The following DPYSL2 variants were observed in gnomAD, a reference collection of about 807,000 sequenced individuals.
The protein encoded by DPYSL2 is dihydropyrimidinase-related protein 2.
In DPYSL2, 13 loss-of-function variants were observed where a neutral mutation model predicts 69.9. The ratio of observed to expected loss-of-function variants is 0.19; its 90% CI spans 0.12 to 0.30. The LOEUF (loss-of-function observed/expected upper bound fraction) is 0.30. Ranked by LOEUF, DPYSL2 falls within the 10% of genes least tolerant of loss-of-function variation. DPYSL2 has a pLI of 1.00. For synonymous variants in DPYSL2, 326 were observed against 359.1 expected (o/e 0.91, Z 1.04); for missense variants, 587 against 918.9 (o/e 0.64, Z 4.67).
intron 3 of DPYSL2, among the ~76,000 whole-genome samples, chr8:26,589,338 C>T (rs988998748): frequency 2.0e-5 from 3 of 152,236 alleles, no homozygotes; most frequent in Non-Finnish European, 4.4e-5. Flanking sequence ...GGCATTCAGC[C>T]TTGCGTGTGG....
At chr8:26,532,512 A>G (rs955893342) in intron 1 of DPYSL2, among the ~76,000 whole-genome samples, 17 of 152,210 alleles carry the variant, frequency 1.1e-4, no homozygotes, top group Non-Finnish European at 2.1e-4. Flanking sequence ...GAAACCCAGT[A>G]AACAGTCGCT....
In DPYSL2 at chr8:26,626,509, AC is replaced by A; in HGVS notation, c.794-107del. 2.4e-6 allele frequency: 2 copies of A among 831,442 alleles called. No homozygotes were observed. The highest frequency in any genetic ancestry group is 3.9e-6 in the Non-Finnish European group (2 of 512,934). The allele number at this position is 831,442 out of a possible 1,614,324, so 51.5% of individuals were successfully genotyped here. On this transcript the variant is annotated intron_variant, in intron 4 of 13. Coordinates refer to ENST00000521913, the MANE Select transcript of DPYSL2 (RefSeq NM_001197293.3). This position sits in a 1 kb window ranked among gnomAD's most constrained non-coding sequence, Gnocchi z 4.3. ...CACACACACACACACACACACACAC[AC>A]ACACACACACACGTACACACACAGA... is the stretch of plus-strand genomic sequence containing the variant.
chr8:26,596,503 C>T (rs920076920), intron 3 of DPYSL2, among the ~76,000 whole-genome samples: 1 of 152,118 alleles, frequency 6.6e-6, no homozygotes, highest in African/African-American at 2.4e-5. Flanking sequence ...ACAGACCTGC[C>T]GGGAGTCATG....
intron 1 of DPYSL2, among the ~76,000 whole-genome samples, chr8:26,559,849 T>C (rs1474117646): frequency 6.6e-6 from 1 of 152,214 alleles, no homozygotes; most frequent in East Asian, 1.9e-4. Context: ...AGATCTTTTA[T>C]ACTCTGGCTT....
At position 26,560,740 on chromosome 8, in the gene DPYSL2, T is replaced by C. The variant is rs1195207828; in HGVS notation, c.355-21229T>C. On this transcript the variant is annotated intron_variant, in intron 1 of 13. Coordinates refer to ENST00000521913, the MANE Select transcript of DPYSL2 (RefSeq NM_001197293.3). The surrounding 1 kb of genome is among the most constrained non-coding windows in gnomAD (Gnocchi z 4.4). ...GTATTTTCCAATCACTAACATCCTC[T>C]GTCTTTGCAATATGTATAATTTTAT... is the stretch of plus-strand genomic sequence containing the variant. Among the ~76,000 whole-genome samples, 2 of 152,250 alleles carry C rather than the reference T, an allele frequency of 1.3e-5. No individual in the cohort carries two copies. Among genetic ancestry groups the C allele is most frequent in the Non-Finnish European group, 2.9e-5 (2 of 68,046 alleles).
In DPYSL2 at chr8:26,634,870, G is replaced by T; in HGVS notation, c.1096G>T (p.Ala366Ser). Residue 366 changes from alanine (A) to serine (S), a missense_variant, in exon 8 of 14, where the codon GCT becomes TCT. Transcript: ENST00000521913. The part of the protein sequence containing the change: ...YITKVMSKSS[A>S]EVIAQARKKG... The stretch of plus-strand genomic sequence containing the variant: ...CACCAAGGTGATGAGCAAAAGCTCT[G>T]CTGAGGTCATCGCCCAGGCACGGAA... The T allele has an allele frequency of 1.2e-6, 2 of 1,614,252 alleles. No homozygotes were observed. The highest frequency in any genetic ancestry group is 1.7e-6 in the Non-Finnish European group (2 of 1,180,044).
intron 1 of DPYSL2, chr8:26,548,266 C>A: frequency 4.7e-6 from 1 of 212,934 alleles, no homozygotes; most frequent in East Asian, 1.3e-4. Context: ...GGTGCACAGG[C>A]AAGATGAGGC....
chr8:26,611,554 A>G (rs1802228522), intron 3 of DPYSL2, among the ~76,000 whole-genome samples: 1 of 152,216 alleles, frequency 6.6e-6, no homozygotes, highest in South Asian at 2.1e-4. Context: ...TGGAAGGGAT[A>G]TGAGGTGCTG....
At chr8:26,570,274 C>G (rs1267982033) in intron 1 of DPYSL2, among the ~76,000 whole-genome samples, 1 of 152,052 alleles carries the variant, frequency 6.6e-6, no homozygotes, top group Non-Finnish European at 1.5e-5. Flanking sequence ...CTGAGTTACA[C>G]TGGGTTATGA....
chr8:26,612,165 T>G (rs1453424502), intron 3 of DPYSL2, among the ~76,000 whole-genome samples: 1 of 152,234 alleles, frequency 6.6e-6, no homozygotes, highest in Non-Finnish European at 1.5e-5. Flanking sequence ...AAAAGAGCTT[T>G]GTGTTTTACC....
chr8:26,653,794 G>A lies in DPYSL2; in HGVS notation c.1942+397G>A, dbSNP rs948737752. On this transcript the variant is annotated intron_variant, in intron 13 of 13. Transcript: ENST00000521913. The surrounding 1 kb of genome is among the most constrained non-coding windows in gnomAD (Gnocchi z 5.7). ...GCTGATAGAACTCCTGACTTCAGGT[G>A]ATCTGCCCGCCTCGGCCTCCCAAAG... Among the ~76,000 whole-genome samples, 2 of 152,156 alleles carry A rather than the reference G, an allele frequency of 1.3e-5. No homozygotes were observed. The highest frequency in any genetic ancestry group is 2.1e-4 in the South Asian group (1 of 4,824).
rs1803343107 is a variant in DPYSL2, at chr8:26,654,624, T to G, written c.1943-991T>G. 6.6e-6 allele frequency among the ~76,000 whole-genome samples: 1 copy of G among 152,162 alleles called. No homozygotes were observed. The highest frequency in any genetic ancestry group is 1.5e-5 in the Non-Finnish European group (1 of 68,028). ...CGTTCCTCCTACTTGTGATTATATG[T>G]GTAGGATTAGGGGATTAGAATGCCA... is the stretch of plus-strand genomic sequence containing the variant. On this transcript the variant is annotated intron_variant, in intron 13 of 13. Coordinates refer to ENST00000521913, the MANE Select transcript of DPYSL2 (RefSeq NM_001197293.3). This position sits in a 1 kb window ranked among gnomAD's most constrained non-coding sequence, Gnocchi z 5.0.
At chr8:26,604,816 C>A (rs1802074514) in intron 3 of DPYSL2, among the ~76,000 whole-genome samples, 1 of 151,940 alleles carries the variant, frequency 6.6e-6, no homozygotes, top group Non-Finnish European at 1.5e-5. Flanking sequence ...CACATGCCAC[C>A]ACACCTGGCT....
At chr8:26,529,316 ATCTATCATCTATC>A (rs1800456392) in intron 1 of DPYSL2, among the ~76,000 whole-genome samples, 1 of 151,412 alleles carries the variant, frequency 6.6e-6, no homozygotes, top group African/African-American at 2.4e-5. Context: ...CTATCTATCT[ATCTATCATCTATC>A]TATCTATATA....
At chr8:26,523,517 T>C (rs1461287437) in intron 1 of DPYSL2, among the ~76,000 whole-genome samples, 2 of 152,208 alleles carry the variant, frequency 1.3e-5, no homozygotes, top group African/African-American at 4.8e-5. Flanking sequence ...CTACTTTGTG[T>C]CTCTGTGAAT....
chr8:26,549,602 C>A (rs1348262722), intron 1 of DPYSL2, among the ~76,000 whole-genome samples: 1 of 152,118 alleles, frequency 6.6e-6, no homozygotes, highest in African/African-American at 2.4e-5. Context: ...CTACAAAAAT[C>A]TATCCCTGGG....
intron 1 of DPYSL2, among the ~76,000 whole-genome samples, chr8:26,527,588 G>C (rs566920624): frequency 1.3e-5 from 2 of 152,112 alleles, no homozygotes; most frequent in South Asian, 4.1e-4. Context: ...TCTGGTTTGG[G>C]TTTTTACACG....
intron 1 of DPYSL2, among the ~76,000 whole-genome samples, chr8:26,532,334 C>T (rs1453536833): frequency 6.6e-6 from 1 of 152,154 alleles, no homozygotes; most frequent in Admixed American, 6.5e-5. Context: ...GCAGGGTCTA[C>T]TTCAGGAGAG....
intron 3 of DPYSL2, among the ~76,000 whole-genome samples, chr8:26,604,842 T>C (rs1256048324): frequency 1.3e-5 from 2 of 152,084 alleles, no homozygotes; most frequent in Non-Finnish European, 1.5e-5. Flanking sequence ...TTGCATTTTT[T>C]TTTAGTAGAG....
Sources: gnomAD v4.1 joint callset for allele counts (sites outside exome capture counted in the v4.1 genomes callset) on GRCh38, gnomAD v4.1.1 for gene constraint, Gnocchi (gnomAD v3.1) non-coding constraint, MANE v1.5 for transcripts, NCBI Gene and HGNC (gene_info 2026-07-23, HGNC 2026-07-21) for gene names.